Variants in FHL5 observed in about 807,000 individuals in gnomAD.
FHL5 encodes the protein four and a half LIM domains protein 5.
FHL5 carries 33 observed loss-of-function variants against 32.0 expected under a neutral mutation model. The observed-to-expected ratio is 1.03, with a 90% CI of 0.78 to 1.38. The LOEUF is 1.38. FHL5 is among the 40% of genes most tolerant of loss of function. The pLI is 0.00. For synonymous variants in FHL5, 114 were observed against 113.6 expected (o/e 1.00, Z -0.02); for missense variants, 336 against 343.9 (o/e 0.98, Z 0.18).
intron 1 of FHL5, among the ~76,000 whole-genome samples, chr6:96,569,565 C>T (rs973132130): frequency 2.0e-5 from 3 of 151,848 alleles, no homozygotes; most frequent in African/African-American, 7.2e-5. Context: ...ATCTATTTCT[C>T]CTTTGGGTTT....
chr6:96,565,670 C>T (rs1770340441), intron 1 of FHL5, among the ~76,000 whole-genome samples: 1 of 151,952 alleles, frequency 6.6e-6, no homozygotes, highest in South Asian at 2.1e-4. Flanking sequence ...TGTATTTTTC[C>T]AATATCATTG....
At chr6:96,611,373 A>T (rs1771404607) in intron 5 of FHL5, among the ~76,000 whole-genome samples, 1 of 152,098 alleles carries the variant, frequency 6.6e-6, no homozygotes, top group South Asian at 2.1e-4. Flanking sequence ...TACTGAAAAA[A>T]AAATGTGACA....
chr6:96,579,772 G>A (rs187754529), intron 1 of FHL5, among the ~76,000 whole-genome samples: 24 of 152,284 alleles, frequency 1.6e-4, no homozygotes, highest in African/African-American at 5.3e-4. Context: ...GATACATTAT[G>A]CTTTATGACA....
chr6:96,611,210 A>C (rs1025671656), intron 5 of FHL5, among the ~76,000 whole-genome samples: 8 of 152,220 alleles, frequency 5.3e-5, no homozygotes, highest in Non-Finnish European at 1.0e-4. Context: ...TGTATAGAAC[A>C]TCTGAAGCTG....
At chr6:96,573,206 A>G (rs1012638176) in intron 1 of FHL5, among the ~76,000 whole-genome samples, 32 of 152,188 alleles carry the variant, frequency 2.1e-4, no homozygotes, top group African/African-American at 7.2e-4. Context: ...TCTTTATATC[A>G]TGAAACTCTC....
At chr6:96,570,504 G>A (rs556008905) in intron 1 of FHL5, among the ~76,000 whole-genome samples, 1 of 152,164 alleles carries the variant, frequency 6.6e-6, no homozygotes, top group Non-Finnish European at 1.5e-5. Context: ...GGAGCTGGAT[G>A]TTCAAATATC....
chr6:96,610,694 C>T lies in FHL5; in HGVS notation c.627C>T (p.Phe209=), dbSNP rs748834846. 7.4e-6 allele frequency: 12 copies of T among 1,613,802 alleles called. No individual in the cohort carries two copies. The highest frequency in any genetic ancestry group is 1.7e-6 in the Non-Finnish European group (2 of 1,179,678). Residue 209 remains phenylalanine, a synonymous_variant, in exon 5 of 6, where the codon TTC becomes TTT. Transcript: ENST00000450218. ...EQFMSRDDYP[F]CVDCYNHLYA... The stretch of plus-strand genomic sequence containing the variant: ...TCATGTCCAGAGACGACTATCCATT[C>T]TGCGTGGACTGCTACAACCATCTTT...
intron 1 of FHL5, among the ~76,000 whole-genome samples, chr6:96,588,847 T>G (rs931413626): frequency 1.1e-4 from 16 of 151,200 alleles, no homozygotes; most frequent in Non-Finnish European, 1.0e-4. Context: ...GTCTTTTCAT[T>G]CTTTAAATAG....
chr6:96,588,508 ATT>A (rs2127965925), intron 1 of FHL5, among the ~76,000 whole-genome samples: 1 of 152,186 alleles, frequency 6.6e-6, no homozygotes, highest in East Asian at 1.9e-4. Context: ...GCCTCCTGTT[ATT>A]TCTTTGTCCT....
intron 1 of FHL5, among the ~76,000 whole-genome samples, chr6:96,582,030 C>A (rs1770706795): frequency 6.6e-6 from 1 of 152,126 alleles, no homozygotes; most frequent in Admixed American, 6.6e-5. Context: ...TTAGTCTTGT[C>A]CTTACCTATA....
rs531012362 is a variant in FHL5 at position 96,575,746 on chromosome 6, C to A, written c.-13+12391C>A. Among the ~76,000 whole-genome samples, 284 of 151,066 alleles carry A rather than the reference C, an allele frequency of 1.9e-3. 1 individual carries two copies. Among genetic ancestry groups the A allele is most frequent in the Non-Finnish European group, 1.1e-3 (75 of 67,690 alleles). The stretch of plus-strand genomic sequence containing the variant: ...AAGTTCTCTCTTACGATCTTTAACT[C>A]AAAAAAAAATTCTTGATCTGTTTTA... On this transcript the variant is annotated intron_variant, in intron 1 of 5. Coordinates refer to ENST00000450218, the MANE Select transcript of FHL5 (RefSeq NM_001322466.2).
intron 1 of FHL5, among the ~76,000 whole-genome samples, chr6:96,573,098 T>A (rs1023151680): frequency 6.6e-6 from 1 of 152,210 alleles, no homozygotes; most frequent in African/African-American, 2.4e-5. Flanking sequence ...CAAAAAGTCA[T>A]ACATACATGT....
intron 4 of FHL5, among the ~76,000 whole-genome samples, chr6:96,608,800 C>T (rs138869025): frequency 9.2e-5 from 14 of 152,304 alleles, no homozygotes; most frequent in African/African-American, 3.4e-4. Flanking sequence ...ATCTTACCTT[C>T]CTACCTCTTC....
At chr6:96,598,041 G>A (rs1771071793) in intron 1 of FHL5, among the ~76,000 whole-genome samples, 1 of 152,118 alleles carries the variant, frequency 6.6e-6, no homozygotes, top group Admixed American at 6.5e-5. Flanking sequence ...AAACATAAAG[G>A]AGTATTAAAT....
At chr6:96,609,130 AAT>A (rs1771344493) in intron 4 of FHL5, among the ~76,000 whole-genome samples, 1 of 152,174 alleles carries the variant, frequency 6.6e-6, no homozygotes, top group Non-Finnish European at 1.5e-5. Context: ...TTTCATATCA[AAT>A]ATCTTTAATT....
intron 5 of FHL5, 56 bp downstream of exon 5, chr6:96,610,814 C>T (rs2127975275): frequency 8.1e-7 from 1 of 1,233,380 alleles, no homozygotes; most frequent in South Asian, 1.5e-5. Flanking sequence ...CTTTATGAAA[C>T]ACTATCTAGT....
chr6:96,608,669 A>ATT (rs1771335259), intron 4 of FHL5, among the ~76,000 whole-genome samples: 1 of 152,118 alleles, frequency 6.6e-6, no homozygotes, highest in Non-Finnish European at 1.5e-5. Context: ...GTCTTCTTCG[A>ATT]TTTTTCATCT....
chr6:96,572,320 A>C (rs1343407813), intron 1 of FHL5, among the ~76,000 whole-genome samples: 1 of 152,182 alleles, frequency 6.6e-6, no homozygotes, highest in African/African-American at 2.4e-5. Flanking sequence ...CCAGGGAGAC[A>C]TGACTGCTCT....
intron 1 of FHL5, among the ~76,000 whole-genome samples, chr6:96,601,915 T>C (rs952792958): frequency 2.0e-5 from 3 of 152,192 alleles, no homozygotes; most frequent in East Asian, 3.9e-4. Context: ...TCTGTGGAAT[T>C]AATCAAATGG....
Sources: allele counts gnomAD v4.1 joint callset (sites outside exome capture counted in the v4.1 genomes callset), GRCh38; gene constraint gnomAD v4.1.1; transcripts MANE v1.5; gene names NCBI Gene and HGNC (gene_info 2026-07-23, HGNC 2026-07-21).